Variants in FGF12 observed in about 807,000 individuals in gnomAD.
FGF12 encodes the protein fibroblast growth factor 12B.
Under a neutral mutation model 23.6 loss-of-function variants are expected in FGF12, and 14 were observed. The ratio of observed to expected loss-of-function variants is 0.59; its 90% CI spans 0.39 to 0.93. FGF12 has a LOEUF of 0.93. FGF12 is among the 40% of genes least tolerant of loss of function. FGF12 has a pLI of 0.00. For missense variants in FGF12, 175 were observed against 217.8 expected, an observed-to-expected ratio of 0.80 and a Z score of 1.24; for synonymous variants, 62 against 77.3, an observed-to-expected ratio of 0.80 and a Z score of 1.04.
chr3:192,650,756 G>A (rs1248688337), intron 2 of FGF12, among the ~76,000 whole-genome samples: 4 of 152,080 alleles, frequency 2.6e-5, no homozygotes, highest in African/African-American at 9.7e-5. Context: ...CTCTTCAAGA[G>A]TAATATTTTT....
Position 192,439,026 on chromosome 3 carries a change from C to T in FGF12, c.14-78488G>A, listed in dbSNP as rs895487830. Among the ~76,000 whole-genome samples the T allele has an allele frequency of 5.3e-5, 8 of 152,158 alleles. No homozygotes were observed. In the South Asian group the frequency reaches 6.2e-4, roughly 12 times the overall value. On this transcript the variant is annotated intron_variant, in intron 2 of 5. Coordinates refer to ENST00000445105, the MANE Select transcript of FGF12 (RefSeq NM_004113.6). ...GCATATACTGGTTTGCAGTTTGCAG[C>T]GGGTCTCTGAAAATTACCCAAGACA...
intron 2 of FGF12, among the ~76,000 whole-genome samples, chr3:192,690,325 A>C (rs924970706): frequency 6.6e-6 from 1 of 152,132 alleles, no homozygotes; most frequent in Non-Finnish European, 1.5e-5. Flanking sequence ...AAGGAAAAAA[A>C]GTATTTGAAA....
intron 4 of FGF12, among the ~76,000 whole-genome samples, chr3:192,223,747 G>A (rs1238369693): frequency 1.3e-5 from 2 of 152,078 alleles, no homozygotes; most frequent in African/African-American, 4.8e-5. Flanking sequence ...TGCCCTTGGG[G>A]AGCTATAAAT....
chr3:192,246,855 AAG>A lies in FGF12; in HGVS notation c.229-76201_229-76200del, dbSNP rs778432144. 1.9e-3 allele frequency among the ~76,000 whole-genome samples: 280 copies of A among 148,172 alleles called. 1 individual carries two copies. The highest frequency in any genetic ancestry group is 4.5e-3 in the African/African-American group (183 of 40,302). On this transcript the variant is annotated intron_variant, in intron 4 of 5. Transcript: ENST00000445105. Reference sequence around the variant, plus strand: ...AAAAAAAAAGGAGAGAGAGAGAGGAAAGAGAGAGAGAGAGAAAGAAAGAGAGA... The same window carrying A: ...AAAAAAAAAGGAGAGAGAGAGAGGAAAGAGAGAGAGAGAAAGAAAGAGAGA...
At chr3:192,229,569 C>G (rs553188052) in intron 4 of FGF12, among the ~76,000 whole-genome samples, 14 of 152,124 alleles carry the variant, frequency 9.2e-5, no homozygotes, top group African/African-American at 2.9e-4. Context: ...TAGAGGTCAA[C>G]TATCACTATT....
intron 2 of FGF12, among the ~76,000 whole-genome samples, chr3:192,361,379 G>A (rs558366075): frequency 4.6e-5 from 7 of 152,004 alleles, no homozygotes; most frequent in South Asian, 2.1e-4. Context: ...AGTTTCCACC[G>A]CATCACCATT....
intron 2 of FGF12, among the ~76,000 whole-genome samples, chr3:192,476,945 G>T (rs747678581): frequency 7.2e-5 from 11 of 152,144 alleles, no homozygotes; most frequent in Non-Finnish European, 1.6e-4. Context: ...ATCCCAAAAG[G>T]ATATGGCATT....
At chr3:192,562,861 A>C (rs74556936) in intron 2 of FGF12, among the ~76,000 whole-genome samples, 2 of 152,024 alleles carry the variant, frequency 1.3e-5, no homozygotes, top group Admixed American at 6.6e-5. Context: ...GCAAACAATT[A>C]TCTCTCTTAT....
chr3:192,494,764 T>C (rs1280789000), intron 2 of FGF12, among the ~76,000 whole-genome samples: 1 of 152,134 alleles, frequency 6.6e-6, no homozygotes, highest in Non-Finnish European at 1.5e-5. Context: ...ACAGTTGTAG[T>C]ACAGAGAAAC....
chr3:192,670,258 A>G (rs1176249879), intron 2 of FGF12, among the ~76,000 whole-genome samples: 1 of 152,164 alleles, frequency 6.6e-6, no homozygotes. Context: ...TTTCAAAAAT[A>G]TAGTTATTTT....
At chr3:192,480,291 C>T (rs1723445439) in intron 2 of FGF12, among the ~76,000 whole-genome samples, 1 of 152,098 alleles carries the variant, frequency 6.6e-6, no homozygotes, top group African/African-American at 2.4e-5. Flanking sequence ...TATTTTTCTC[C>T]CACAAAACCT....
intron 2 of FGF12, among the ~76,000 whole-genome samples, chr3:192,694,879 G>A (rs1187888694): frequency 6.6e-6 from 1 of 151,996 alleles, no homozygotes; most frequent in East Asian, 1.9e-4. Flanking sequence ...TGGAAGGTGG[G>A]GAGAAATGGG....
At chr3:192,547,659 A>G (rs1725529134) in intron 2 of FGF12, among the ~76,000 whole-genome samples, 1 of 152,220 alleles carries the variant, frequency 6.6e-6, no homozygotes, top group African/African-American at 2.4e-5. Context: ...TGAATTCACA[A>G]CTGAATCCAA....
intron 2 of FGF12, among the ~76,000 whole-genome samples, chr3:192,403,540 TCTTA>T (rs1720844412): frequency 1.6e-5 from 2 of 123,106 alleles, no homozygotes; most frequent in Admixed American, 8.0e-5. Context: ...AAGTTAGGGG[TCTTA>T]CTGTTTTTTT....
chr3:192,232,896 T>C (rs1719095463), intron 4 of FGF12, among the ~76,000 whole-genome samples: 1 of 152,206 alleles, frequency 6.6e-6, no homozygotes, highest in African/African-American at 2.4e-5. Flanking sequence ...TATTTTTTTA[T>C]GGCTGCATAG....
chr3:192,226,521 C>T (rs1251983051), intron 4 of FGF12, among the ~76,000 whole-genome samples: 1 of 152,054 alleles, frequency 6.6e-6, no homozygotes, highest in African/African-American at 2.4e-5. Context: ...ACACACAAAA[C>T]CCACATATAT....
intron 4 of FGF12, among the ~76,000 whole-genome samples, chr3:192,263,567 C>A (rs1712894056): frequency 6.6e-6 from 1 of 151,406 alleles, no homozygotes; most frequent in Non-Finnish European, 1.5e-5. Flanking sequence ...AAAAACTATT[C>A]CTGAGCCACA....
At chr3:192,268,767 A>T (rs1466419682) in intron 4 of FGF12, 1 of 395,178 alleles carries the variant, frequency 2.5e-6, no homozygotes, top group Non-Finnish European at 5.1e-6. Context: ...GATCAAAACT[A>T]TTGTCTTCAT....
intron 4 of FGF12, among the ~76,000 whole-genome samples, chr3:192,330,961 T>C (rs995668512): frequency 5.9e-5 from 9 of 152,064 alleles, no homozygotes; most frequent in Admixed American, 2.0e-4. Context: ...ATATATCTGA[T>C]AAGGGCTTTA....
Sources: gnomAD v4.1 joint callset for allele counts (sites outside exome capture counted in the v4.1 genomes callset) on GRCh38, gnomAD v4.1.1 for gene constraint, MANE v1.5 for transcripts, NCBI Gene and HGNC (gene_info 2026-07-23, HGNC 2026-07-21) for gene names.